CCDC60: variants seen among roughly 807,000 people sequenced by gnomAD.
CCDC60 encodes the protein coiled-coil domain-containing protein 60.
In CCDC60, 54 loss-of-function variants were observed where a neutral mutation model predicts 63.5. The ratio of observed to expected loss-of-function variants is 0.85; its 90% CI spans 0.68 to 1.07. The LOEUF (loss-of-function observed/expected upper bound fraction) is 1.07. Ranked by LOEUF, CCDC60 falls within the 50% of genes least tolerant of loss-of-function variation. CCDC60 has a pLI of 0.00. For missense variants in CCDC60, 651 were observed against 684.3 expected, an observed-to-expected ratio of 0.95 and a Z score of 0.54; for synonymous variants, 206 against 238.8, an observed-to-expected ratio of 0.86 and a Z score of 1.27.
intron 13 of CCDC60, among the ~76,000 whole-genome samples, chr12:119,532,952 C>T (rs1211604714): frequency 6.6e-6 from 1 of 152,152 alleles, no homozygotes; most frequent in African/African-American, 2.4e-5. Context: ...ATTGCTGGAT[C>T]AAATGGTATT....
intron 7 of CCDC60, among the ~76,000 whole-genome samples, chr12:119,510,409 C>A (rs141756429): frequency 6.6e-6 from 1 of 152,146 alleles, no homozygotes; most frequent in East Asian, 1.9e-4. Flanking sequence ...TCCTGCTGAA[C>A]CTTCAAGACC....
At chr12:119,337,271 T>C (rs114452630) in intron 1 of CCDC60, among the ~76,000 whole-genome samples, 3,024 of 152,194 alleles carry the variant, frequency 0.02, 105 homozygotes, top group African/African-American at 0.068. Context: ...CTTCCCAGCA[T>C]AGCGGTGGGA....
At chr12:119,535,609 C>G (rs1952979117) in intron 13 of CCDC60, among the ~76,000 whole-genome samples, 1 of 152,032 alleles carries the variant, frequency 6.6e-6, no homozygotes, top group African/African-American at 2.4e-5. Context: ...ATTCAGGCAC[C>G]TTGTGTCTTT....
intron 1 of CCDC60, among the ~76,000 whole-genome samples, chr12:119,413,375 A>G (rs12304310): frequency 4.0e-4 from 61 of 152,228 alleles, no homozygotes; most frequent in African/African-American, 1.3e-3. Flanking sequence ...ACCTACTGTT[A>G]TATCGCTGCA....
At chr12:119,442,232 C>T (rs2136262739) in intron 2 of CCDC60, among the ~76,000 whole-genome samples, 1 of 152,272 alleles carries the variant, frequency 6.6e-6, no homozygotes. Context: ...CTTTCACAGC[C>T]TCAATAAATG....
Position 119,337,812 on chromosome 12 carries a change from GTGTGTGTGTATT to G in CCDC60, c.90+2556_90+2567del, listed in dbSNP as rs1300038810. Among the ~76,000 whole-genome samples the G allele has an allele frequency of 1.5e-3, 208 of 139,168 alleles. 1 individual carries two copies. Among genetic ancestry groups the G allele is most frequent in the African/African-American group, 5.1e-3 (190 of 37,196 alleles). 91.3% of individuals were successfully genotyped at this position (139,168 alleles called of 152,430 possible). On this transcript the variant is annotated intron_variant, in intron 1 of 13. Transcript: ENST00000327554. ...ACAGCTAATTTAGATTCACGCATGTGTGTGTGTGTATTTGTGTGTGTGTGTGTGTGTGTGTGT... is the reference window on the plus strand; with the variant it reads ...ACAGCTAATTTAGATTCACGCATGTGTGTGTGTGTGTGTGTGTGTGTGTGT...
chr12:119,377,254 C>CAAAAAAAAAAA (rs60100165), intron 1 of CCDC60, among the ~76,000 whole-genome samples: 30 of 47,422 alleles, frequency 6.3e-4, no homozygotes, highest in Middle Eastern at 0.015. Flanking sequence ...CACTCCATCT[C>CAAAAAAAAAAA]AAAAAAAAAA....
intron 1 of CCDC60, among the ~76,000 whole-genome samples, chr12:119,346,045 G>A (rs573651940): frequency 3.6e-4 from 50 of 137,582 alleles, no homozygotes; most frequent in African/African-American, 1.3e-3. Flanking sequence ...GGCTGATCCC[G>A]AACTCCTGGG....
intron 1 of CCDC60, among the ~76,000 whole-genome samples, chr12:119,384,046 A>C (rs1460572137): frequency 6.6e-6 from 1 of 151,876 alleles, no homozygotes; most frequent in Non-Finnish European, 1.5e-5. Flanking sequence ...AATACAAAAA[A>C]TTAGCCGGGC....
intron 6 of CCDC60, among the ~76,000 whole-genome samples, chr12:119,502,136 G>A (rs1225027699): frequency 3.3e-5 from 5 of 152,204 alleles, no homozygotes; most frequent in Non-Finnish European, 7.3e-5. Flanking sequence ...GAGTGGTGGA[G>A]TCTGTGGCAA....
At chr12:119,345,620 G>T (rs1372897535) in intron 1 of CCDC60, among the ~76,000 whole-genome samples, 1 of 152,088 alleles carries the variant, frequency 6.6e-6, no homozygotes, top group Non-Finnish European at 1.5e-5. Context: ...CAGTTTAGAT[G>T]GGACATAGAA....
At chr12:119,451,034 G>A (rs1950625497) in intron 2 of CCDC60, among the ~76,000 whole-genome samples, 1 of 152,140 alleles carries the variant, frequency 6.6e-6, no homozygotes, top group South Asian at 2.1e-4. Context: ...GCAGGGGAGA[G>A]ATGATGACAG....
chr12:119,505,285 G>A lies in CCDC60; in HGVS notation c.865G>A (p.Glu289Lys), dbSNP rs143600190. 3 of 1,609,312 alleles carry A rather than the reference G, an allele frequency of 1.9e-6. No individual in the cohort carries two copies. The highest frequency in any genetic ancestry group is 1.7e-6 in the Non-Finnish European group (2 of 1,179,508). The change falls in exon 7 of 14, where the codon GAA (glutamate) becomes AAA (lysine). Residue 289 changes from glutamate (E) to lysine (K), a missense_variant. By Grantham distance (56) the Glu-to-Lys change is moderately conservative (BLOSUM62 1). Transcript: ENST00000327554. ...TGAGTCATCTTCAACCAAGCCAGATGAAGAACCTCTGTATATGAGTAAGTC... is the reference window on the plus strand; with the variant it reads ...TGAGTCATCTTCAACCAAGCCAGATAAAGAACCTCTGTATATGAGTAAGTC... ...DNESSSTKPD[E>K]EPLYMNLQKL...
intron 6 of CCDC60, among the ~76,000 whole-genome samples, chr12:119,504,485 A>C (rs1470977668): frequency 6.6e-6 from 1 of 152,106 alleles, no homozygotes; most frequent in African/African-American, 2.4e-5. Flanking sequence ...CAAGAATGCC[A>C]CTGCACCAGA....
chr12:119,403,487 C>T (rs1956431628), intron 1 of CCDC60, among the ~76,000 whole-genome samples: 1 of 152,148 alleles, frequency 6.6e-6, no homozygotes, highest in Non-Finnish European at 1.5e-5. Context: ...CCTGGGCTTG[C>T]AGTCCAAGAG....
At position 119,456,007 on chromosome 12, in the gene CCDC60, GAA is replaced by G. The variant is rs377563101; in HGVS notation, c.171-15985_171-15984del. ...AGAGAAAGAGAGAGAGAAAGAGAAAGAAAGAAAGAAAGAAAGAAAGAAAGAAA... is the reference window on the plus strand; with the variant it reads ...AGAGAAAGAGAGAGAGAAAGAGAAAGAGAAAGAAAGAAAGAAAGAAAGAAA... On this transcript the variant is annotated intron_variant, in intron 2 of 13. Transcript: ENST00000327554. The surrounding 1 kb of genome is among the most constrained non-coding windows in gnomAD (Gnocchi z 4.6). Among the ~76,000 whole-genome samples, 27,064 of 112,410 alleles carry G rather than the reference GAA, an allele frequency of 0.24. 3,831 individuals carry two copies. Among genetic ancestry groups the G allele is most frequent in the South Asian group, 0.34 (983 of 2,932 alleles). The allele number at this position is 112,410 out of a possible 152,430, so 73.7% of individuals were successfully genotyped here. A position where few individuals can be genotyped will look rare whatever the true frequency, so the allele number is the denominator to read the frequency against.
In CCDC60 at chr12:119,425,604, C is replaced by T. The variant is rs77146706; in HGVS notation, c.91-3079C>T. Among the ~76,000 whole-genome samples the T allele has an allele frequency of 7.2e-3, 1,089 of 152,268 alleles. 9 individuals are homozygous for T. Among genetic ancestry groups the T allele is most frequent in the African/African-American group, 0.025 (1,042 of 41,556 alleles). On this transcript the variant is annotated intron_variant, in intron 1 of 13. Coordinates refer to ENST00000327554, the MANE Select transcript of CCDC60 (RefSeq NM_178499.5). Reference sequence around the variant, plus strand: ...ATCAGTTCAACAAGGCACCGTGGAACGAGTTTTTCTCTGACTCTCTTCTCT... The same window carrying T: ...ATCAGTTCAACAAGGCACCGTGGAATGAGTTTTTCTCTGACTCTCTTCTCT...
intron 1 of CCDC60, among the ~76,000 whole-genome samples, chr12:119,350,705 A>T (rs1175371637): frequency 1.3e-5 from 2 of 152,162 alleles, no homozygotes; most frequent in African/African-American, 4.8e-5. Flanking sequence ...AAAGTTCTCT[A>T]CTACAATGCT....
At chr12:119,395,996 G>A (rs1215669880) in intron 1 of CCDC60, among the ~76,000 whole-genome samples, 2 of 151,886 alleles carry the variant, frequency 1.3e-5, no homozygotes, top group Admixed American at 6.6e-5. Context: ...GAAGTGCAGT[G>A]GCTTGATCTC....
Sources: allele counts gnomAD v4.1 joint callset (sites outside exome capture counted in the v4.1 genomes callset), GRCh38; gene constraint gnomAD v4.1.1; non-coding constraint Gnocchi (gnomAD v3.1); transcripts MANE v1.5; gene names NCBI Gene and HGNC (gene_info 2026-07-23, HGNC 2026-07-21).